Variants in CXADR observed in about 807,000 individuals in gnomAD.
CXADR encodes the protein coxsackievirus and adenovirus receptor.
A neutral mutation model predicts 40.3 loss-of-function variants in CXADR; 20 were observed. That is an observed-to-expected ratio of 0.50 (90% CI 0.35 to 0.72). The LOEUF (loss-of-function observed/expected upper bound fraction) is 0.72. Among genes scored for constraint, CXADR ranks in the 30% least tolerant of loss-of-function variants. The pLI is 0.01. For missense variants in CXADR, 332 were observed against 449.1 expected (o/e 0.74, Z 2.36); for synonymous variants, 150 against 161.3 (o/e 0.93, Z 0.53).
chr21:17,620,316 G>C, the CXADR span, among the ~76,000 whole-genome samples: 4 of 152,144 alleles, frequency 2.6e-5, no homozygotes, highest in Admixed American at 2.6e-4. Context: ...CTCAGAAATG[G>C]AGAAGCCCAA....
intron 7 of CXADR, among the ~76,000 whole-genome samples, chr21:17,582,952 A>G (rs1221864821): frequency 2.6e-5 from 4 of 152,224 alleles, no homozygotes; most frequent in African/African-American, 7.2e-5. Context: ...ACTGTCAACA[A>G]TGAGATAATT....
chr21:17,597,319 C>A (rs909733723), downstream of CXADR, among the ~76,000 whole-genome samples: 1 of 151,750 alleles, frequency 6.6e-6, no homozygotes, highest in Non-Finnish European at 1.5e-5. Flanking sequence ...GGTAAAATTG[C>A]CACACATTTG....
intron 7 of CXADR, among the ~76,000 whole-genome samples, chr21:17,582,355 G>C (rs1418511260): frequency 1.3e-5 from 2 of 152,058 alleles, no homozygotes; most frequent in Non-Finnish European, 2.9e-5. Context: ...TTTGTGATTT[G>C]ACCCGCAACT....
chr21:17,539,637 T>C lies in CXADR; in HGVS notation c.44-7390T>C, dbSNP rs577791676. Among the ~76,000 whole-genome samples the C allele has an allele frequency of 1.6e-4, 24 of 152,322 alleles. 1 individual carries two copies. The South Asian group carries it at 3.1e-3, about 20-fold the overall frequency. ...GATCAGATGAAATAATTAAAGCCCTTTGCATAATGCTTGACTTACAGATAA... is the reference window on the plus strand; with the variant it reads ...GATCAGATGAAATAATTAAAGCCCTCTGCATAATGCTTGACTTACAGATAA... On this transcript the variant is annotated intron_variant, in intron 1 of 6. Coordinates refer to ENST00000284878, the MANE Select transcript of CXADR (RefSeq NM_001338.5).
At chr21:17,545,162 G>A (rs567829356) in intron 1 of CXADR, among the ~76,000 whole-genome samples, 4 of 136,748 alleles carry the variant, frequency 2.9e-5, no homozygotes, top group African/African-American at 1.1e-4. Context: ...CCATATCTTA[G>A]TGCTTAGGGC....
intron 7 of CXADR, among the ~76,000 whole-genome samples, chr21:17,581,831 G>C (rs1279706946): frequency 0.012 from 1 of 86 alleles, no homozygotes; most frequent in Non-Finnish European, 0.021. Context: ...GGGTGACAAA[G>C]GCTAAGACTC....
chr21:17,533,849 T>C (rs1248778727), intron 1 of CXADR, among the ~76,000 whole-genome samples: 1 of 151,688 alleles, frequency 6.6e-6, no homozygotes, highest in African/African-American at 2.4e-5. Context: ...ATGCCATTTC[T>C]CATTGTTACT....
chr21:17,518,737 C>T, intron 1 of CXADR: 1 of 1,595,056 alleles, frequency 6.3e-7, no homozygotes, highest in East Asian at 2.2e-5. Context: ...TTCTGCATGA[C>T]CAGTAATTGC....
chr21:17,582,452 T>C (rs1171767333), intron 7 of CXADR, among the ~76,000 whole-genome samples: 1 of 59,010 alleles, frequency 1.7e-5, no homozygotes, highest in Non-Finnish European at 3.2e-5. Context: ...GAGAAGCCAT[T>C]TCCAAACCAT....
intron 2 of CXADR, among the ~76,000 whole-genome samples, chr21:17,551,445 T>C (rs2060967144): frequency 6.6e-6 from 1 of 152,178 alleles, no homozygotes; most frequent in Non-Finnish European, 1.5e-5. Flanking sequence ...ATCTGTGTTC[T>C]TGCCCAATCT....
At chr21:17,574,399 T>A (rs1263999471), downstream of CXADR, among the ~76,000 whole-genome samples, 3 of 152,196 alleles carry the variant, frequency 2.0e-5, no homozygotes, top group Non-Finnish European at 4.4e-5. Flanking sequence ...TTTTAAAAAG[T>A]TAACAGTGAA....
chr21:17,534,021 T>TATATAGCTATATATATATATATACAC (rs1319670502), intron 1 of CXADR, among the ~76,000 whole-genome samples: 1 of 128,892 alleles, frequency 7.8e-6, no homozygotes, highest in South Asian at 2.5e-4. Context: ...TATATATATA[T>TATATAGCTATATATATATATATACAC]ATATATAGCT....
chr21:17,586,748 A>G (rs1400333126), intron 7 of CXADR, among the ~76,000 whole-genome samples: 1 of 151,986 alleles, frequency 6.6e-6, no homozygotes, highest in Admixed American at 6.6e-5. Context: ...ATTTTTTATT[A>G]TTATTATACT....
the CXADR span, among the ~76,000 whole-genome samples, chr21:17,631,521 T>C: frequency 4.6e-5 from 7 of 152,216 alleles, no homozygotes; most frequent in Non-Finnish European, 1.0e-4. Context: ...TCTTTTTTAA[T>C]GAAATAATTT....
downstream of CXADR, chr21:17,594,171 T>C: frequency 2.5e-6 from 4 of 1,613,326 alleles, no homozygotes; most frequent in Non-Finnish European, 3.4e-6. Context: ...CCCATGTCAC[T>C]GGAATTGGGC....
At position 17,559,668 on chromosome 21, in the gene CXADR, G is replaced by T. The variant is rs148568585; in HGVS notation, c.571+537G>T. Among the ~76,000 whole-genome samples the T allele has an allele frequency of 1.4e-3, 146 of 106,200 alleles. 2 individuals carry two copies. Among genetic ancestry groups the T allele is most frequent in the African/African-American group, 4.4e-3 (116 of 26,616 alleles). The allele number at this position is 106,200 out of a possible 152,430, so 69.7% of individuals were successfully genotyped here. ...TTAGTTACTTTGGTACTTTTTTTTGGGTTTTTTTTTTTTTTTTTTTTTTCC... is the reference window on the plus strand; with the variant it reads ...TTAGTTACTTTGGTACTTTTTTTTGTGTTTTTTTTTTTTTTTTTTTTTTCC... On this transcript the variant is annotated intron_variant, in intron 4 of 6. Transcript: ENST00000284878.
intron 6 of CXADR, among the ~76,000 whole-genome samples, 160 bp from the exon 7 acceptor site, chr21:17,565,268 T>C (rs1324743133): frequency 6.8e-6 from 1 of 147,650 alleles, no homozygotes; most frequent in Non-Finnish European, 1.5e-5. Context: ...GGCTTGTGCT[T>C]TTTGCTTTTT....
At chr21:17,554,559 C>T (rs568493793) in intron 3 of CXADR, among the ~76,000 whole-genome samples, 52 of 152,192 alleles carry the variant, frequency 3.4e-4, no homozygotes, top group African/African-American at 1.1e-3. Flanking sequence ...GAAGTAGGGA[C>T]GACTGGAACT....
the CXADR span, among the ~76,000 whole-genome samples, chr21:17,616,163 A>G: frequency 1.3e-5 from 2 of 151,342 alleles, no homozygotes; most frequent in South Asian, 4.2e-4. Flanking sequence ...AGGCAGGAGA[A>G]TGGCTTGAAC....
Sources: gnomAD v4.1 joint callset for allele counts (sites outside exome capture counted in the v4.1 genomes callset) on GRCh38, gnomAD v4.1.1 for gene constraint, MANE v1.5 for transcripts, NCBI Gene and HGNC (gene_info 2026-07-23, HGNC 2026-07-21) for gene names.